The following GRM1 variants were observed in gnomAD, a reference collection of about 807,000 sequenced individuals.
GRM1 encodes glutamate metabotropic receptor 1.
GRM1 carries 33 observed loss-of-function variants against 90.9 expected under a neutral mutation model. The ratio of observed to expected loss-of-function variants is 0.36; its 90% CI spans 0.28 to 0.49. GRM1 has a LOEUF of 0.49. GRM1 is among the 20% of genes least tolerant of loss of function. The pLI is 0.99. For missense variants in GRM1, 1,190 were observed against 1,534.3 expected, an observed-to-expected ratio of 0.78 and a Z score of 3.75; for synonymous variants, 700 against 613.2, an observed-to-expected ratio of 1.14 and a Z score of -2.09.
chr6:146,283,992 T>A (rs1266525985), intron 2 of GRM1, among the ~76,000 whole-genome samples: 1 of 152,246 alleles, frequency 6.6e-6, no homozygotes, highest in Non-Finnish European at 1.5e-5. Flanking sequence ...TGGCAATTCA[T>A]GGTTTTGTAA....
chr6:146,217,965 A>G lies in GRM1; in HGVS notation c.950+58368A>G, dbSNP rs140607165. Among the ~76,000 whole-genome samples the G allele has an allele frequency of 1.3e-3, 196 of 152,286 alleles. 1 individual carries two copies. Among genetic ancestry groups the G allele is most frequent in the African/African-American group, 4.5e-3 (187 of 41,574 alleles). ...TATTTTGCCGACTATTTTGTTACAC[A>G]TATCTTTTTTCTTTGCAATACATTT... On this transcript the variant is annotated intron_variant, in intron 2 of 7. Transcript: ENST00000282753.
intron 7 of GRM1, among the ~76,000 whole-genome samples, chr6:146,432,635 C>G (rs1425771193): frequency 6.6e-6 from 1 of 152,062 alleles, no homozygotes; most frequent in Admixed American, 6.5e-5. Context: ...GCTACTTTCT[C>G]TGTCATTTTA....
At chr6:146,118,240 C>T (rs1775840911) in intron 1 of GRM1, among the ~76,000 whole-genome samples, 1 of 148,226 alleles carries the variant, frequency 6.7e-6, no homozygotes, top group South Asian at 2.2e-4. Context: ...CCTGGGTTCA[C>T]GCCATTCTCC....
At chr6:146,127,548 G>A (rs561830146) in intron 1 of GRM1, among the ~76,000 whole-genome samples, 2 of 152,222 alleles carry the variant, frequency 1.3e-5, no homozygotes, top group African/African-American at 2.4e-5. Context: ...GATCAGACAC[G>A]GGGTGCAATA....
At chr6:146,226,877 C>G (rs914345417) in intron 2 of GRM1, among the ~76,000 whole-genome samples, 4 of 152,084 alleles carry the variant, frequency 2.6e-5, no homozygotes, top group African/African-American at 9.7e-5. Context: ...GCCACAGTAT[C>G]TGTTACTGCA....
At chr6:146,405,724 T>C (rs1219359291) in intron 7 of GRM1, among the ~76,000 whole-genome samples, 2 of 152,196 alleles carry the variant, frequency 1.3e-5, no homozygotes, top group East Asian at 3.9e-4. Context: ...GTTTGTTTTT[T>C]ACATGGGCAC....
In GRM1 at chr6:146,352,310, C is replaced by G; in HGVS notation, c.1247C>G (p.Ala416Gly). ...QDSKMGFVIN[A>G]IYAMAHGLQN... ...AGTAAGATGGGGTTTGTCATCAATG[C>G]CATCTATGCCATGGCACATGGGCTG... The change falls in exon 4 of 8, where the codon GCC becomes GGC. Residue 416 changes from alanine to glycine, a missense_variant. Ala to Gly is a moderately conservative substitution (Grantham distance 60, BLOSUM62 0). Around this residue, in one of 10 missense-constraint regions of GRM1, gnomAD observed 414 missense variants for 598.4 expected, o/e 0.69. Coordinates refer to ENST00000282753, the MANE Select transcript of GRM1 (RefSeq NM_001278064.2). 6.2e-7 allele frequency: 1 copy of G among 1,613,618 alleles called. No individual in the cohort carries two copies. The highest frequency in any genetic ancestry group is 8.5e-7 in the Non-Finnish European group (1 of 1,179,516).
intron 7 of GRM1, among the ~76,000 whole-genome samples, chr6:146,404,244 C>T (rs1407475433): frequency 6.6e-6 from 1 of 152,062 alleles, no homozygotes; most frequent in African/African-American, 2.4e-5. Context: ...ATTTCTCATT[C>T]ATTCATTTAT....
At chr6:146,045,410 T>C (rs1454068608) in intron 1 of GRM1, among the ~76,000 whole-genome samples, 1 of 151,934 alleles carries the variant, frequency 6.6e-6, no homozygotes, top group East Asian at 1.9e-4. Context: ...GAAAGTAAGA[T>C]CTTAGTTTTG....
intron 2 of GRM1, among the ~76,000 whole-genome samples, chr6:146,297,755 T>A (rs1377693357): frequency 6.6e-6 from 1 of 152,150 alleles, no homozygotes; most frequent in Non-Finnish European, 1.5e-5. Context: ...AATCAGTTTT[T>A]AAAAAGAACT....
At chr6:146,234,390 T>C (rs1780559584) in intron 2 of GRM1, among the ~76,000 whole-genome samples, 1 of 152,074 alleles carries the variant, frequency 6.6e-6, no homozygotes, top group Non-Finnish European at 1.5e-5. Context: ...TCCTATTTGT[T>C]ATATATGTTT....
chr6:146,362,347 A>C (rs1775510091), intron 5 of GRM1, among the ~76,000 whole-genome samples: 1 of 152,184 alleles, frequency 6.6e-6, no homozygotes, highest in Admixed American at 6.5e-5. Context: ...CATATCTTAC[A>C]CACTGTAGAC....
intron 1 of GRM1, among the ~76,000 whole-genome samples, chr6:146,078,124 G>A (rs1189813921): frequency 6.6e-6 from 1 of 152,242 alleles, no homozygotes; most frequent in Non-Finnish European, 1.5e-5. Context: ...GTCGCTCTGT[G>A]TGATGAGAGG....
At chr6:146,074,554 T>A (rs531114283) in intron 1 of GRM1, among the ~76,000 whole-genome samples, 2 of 152,288 alleles carry the variant, frequency 1.3e-5, no homozygotes, top group African/African-American at 4.8e-5. Flanking sequence ...TTTGTGAGCA[T>A]TTCTCCTGTG....
intron 2 of GRM1, among the ~76,000 whole-genome samples, chr6:146,247,936 A>G (rs895989601): frequency 6.6e-6 from 1 of 150,690 alleles, no homozygotes; most frequent in Non-Finnish European, 1.5e-5. Flanking sequence ...ATATATGATA[A>G]AATCAGCCTA....
chr6:146,144,536 C>T (rs1777017488), intron 1 of GRM1, among the ~76,000 whole-genome samples: 1 of 152,188 alleles, frequency 6.6e-6, no homozygotes, highest in African/African-American at 2.4e-5. Context: ...TTGAACTTCT[C>T]AGTATCCATC....
intron 2 of GRM1, among the ~76,000 whole-genome samples, chr6:146,192,632 A>G (rs1778969493): frequency 6.6e-6 from 1 of 152,092 alleles, no homozygotes; most frequent in Non-Finnish European, 1.5e-5. Flanking sequence ...CAAAATTCTC[A>G]CTATTCTTAC....
intron 2 of GRM1, among the ~76,000 whole-genome samples, chr6:146,221,046 G>T (rs1006919869): frequency 3.9e-5 from 6 of 151,908 alleles, no homozygotes; most frequent in African/African-American, 9.7e-5. Context: ...GTCTGGTTGT[G>T]TCGTAAAAGC....
intron 3 of GRM1, among the ~76,000 whole-genome samples, chr6:146,330,209 G>A (rs1784540668): frequency 6.6e-6 from 1 of 152,150 alleles, no homozygotes; most frequent in South Asian, 2.1e-4. Flanking sequence ...GGGAAACATA[G>A]TGAAGATTCA....
Sources: gnomAD v4.1 joint callset for allele counts (sites outside exome capture counted in the v4.1 genomes callset) on GRCh38, gnomAD v4.1.1 for gene constraint, gnomAD v4.1.1 regional missense constraint, MANE v1.5 for transcripts, NCBI Gene and HGNC (gene_info 2026-07-23, HGNC 2026-07-21) for gene names.